The following SLC1A3 variants were observed in gnomAD, a reference collection of about 807,000 sequenced individuals.
The protein encoded by SLC1A3 is excitatory amino acid transporter 1.
SLC1A3 carries 21 observed loss-of-function variants against 48.1 expected under a neutral mutation model. The observed-to-expected ratio is 0.44, with a 90% CI of 0.31 to 0.63. The LOEUF is 0.63. Ranked by LOEUF, SLC1A3 falls within the 20% of genes least tolerant of loss-of-function variation. The pLI is 0.08. For missense variants in SLC1A3, 546 were observed against 689.0 expected (o/e 0.79, Z 2.32); for synonymous variants, 239 against 251.4 (o/e 0.95, Z 0.47).
intron 2 of SLC1A3, among the ~76,000 whole-genome samples, chr5:36,622,859 A>G (rs1219263721): frequency 6.6e-6 from 1 of 150,650 alleles, no homozygotes; most frequent in Non-Finnish European, 1.5e-5. Flanking sequence ...AAAAATACAA[A>G]AAATTAGCCG....
intron 2 of SLC1A3, among the ~76,000 whole-genome samples, chr5:36,623,768 G>C (rs577439615): frequency 6.6e-6 from 1 of 151,792 alleles, no homozygotes; most frequent in South Asian, 2.1e-4. Flanking sequence ...TGAGGCTGAG[G>C]CAGGAGAATC....
chr5:36,618,110 T>C (rs1437736777), intron 2 of SLC1A3, among the ~76,000 whole-genome samples: 1 of 152,216 alleles, frequency 6.6e-6, no homozygotes, highest in Non-Finnish European at 1.5e-5. Context: ...AATCAGTGCA[T>C]TGGAAAACTG....
Position 36,629,534 on chromosome 5 carries a change from T to G in SLC1A3, c.266T>G (p.Met89Arg). The G allele has an allele frequency of 6.2e-7, 1 of 1,612,938 alleles. No homozygotes were observed. Among genetic ancestry groups the G allele is most frequent in the Non-Finnish European group, 8.5e-7 (1 of 1,179,174 alleles). Residue 89 changes from methionine (M) to arginine (R), a missense_variant, in exon 3 of 10, where the codon ATG (methionine) becomes AGG (arginine). Met to Arg is a moderately conservative substitution (Grantham distance 91). This residue lies in a region of SLC1A3 where 348 missense variants were observed against 392.0 expected (regional missense o/e 0.89). Coordinates refer to ENST00000265113, the MANE Select transcript of SLC1A3 (RefSeq NM_004172.5). ...KYFSFPGELL[M>R]RMLQMLVLPL... Reference sequence around the variant, plus strand: ...TTCTCCTTTCCTGGGGAACTTCTGATGAGGATGTTACAGATGCTGGTCTTA... The same window carrying G: ...TTCTCCTTTCCTGGGGAACTTCTGAGGAGGATGTTACAGATGCTGGTCTTA...
At chr5:36,623,227 T>TAACA (rs1295010880) in intron 2 of SLC1A3, among the ~76,000 whole-genome samples, 1 of 152,154 alleles carries the variant, frequency 6.6e-6, no homozygotes, top group East Asian at 1.9e-4. Flanking sequence ...GTTAAAATAC[T>TAACA]AACACTGGAG....
At chr5:36,608,986 T>C in intron 2 of SLC1A3, 2 of 1,004,722 alleles carry the variant, frequency 2.0e-6, no homozygotes. Context: ...ATTTATACAA[T>C]TAGTACACCT....
intron 5 of SLC1A3, 143 bp from the exon 6 acceptor site, chr5:36,676,749 G>A: frequency 1.5e-6 from 1 of 658,512 alleles, no homozygotes; most frequent in South Asian, 2.0e-5. Flanking sequence ...AGATTAAAGA[G>A]AGAGAGAGAC....
intron 2 of SLC1A3, chr5:36,613,050 T>G: frequency 2.9e-6 from 1 of 342,576 alleles, no homozygotes; most frequent in African/African-American, 2.2e-5. Flanking sequence ...GATGCCACAT[T>G]TGAAGGTAGG....
chr5:36,680,734 T>C (rs1742409205), intron 8 of SLC1A3, 145 bp downstream of exon 8: 1 of 720,308 alleles, frequency 1.4e-6, no homozygotes, highest in Admixed American at 2.0e-5. Context: ...CCTGGCAACA[T>C]AGTGAAACCC....
intron 3 of SLC1A3, among the ~76,000 whole-genome samples, chr5:36,670,197 A>T (rs1339916790): frequency 6.6e-6 from 1 of 152,216 alleles, no homozygotes; most frequent in Non-Finnish European, 1.5e-5. Flanking sequence ...CTTAAAAGTC[A>T]TGCCTCCTTT....
intron 1 of SLC1A3, among the ~76,000 whole-genome samples, chr5:36,599,840 G>T (rs117426421): frequency 6.6e-6 from 1 of 151,438 alleles, no homozygotes; most frequent in East Asian, 1.9e-4. Context: ...TATTTGAGAC[G>T]GAGTTTCGCT....
chr5:36,617,684 C>T (rs1739500617), intron 2 of SLC1A3, among the ~76,000 whole-genome samples: 2 of 151,888 alleles, frequency 1.3e-5, no homozygotes, highest in Non-Finnish European at 2.9e-5. Context: ...TTTCACCTTG[C>T]TTTTTTCACT....
chr5:36,626,743 A>T (rs1276510992), intron 2 of SLC1A3, among the ~76,000 whole-genome samples: 1 of 152,228 alleles, frequency 6.6e-6, no homozygotes, highest in Non-Finnish European at 1.5e-5. Flanking sequence ...CTTTTATGTG[A>T]GCAAGCAGGA....
chr5:36,614,906 T>C (rs1739369595), intron 2 of SLC1A3, among the ~76,000 whole-genome samples: 1 of 152,352 alleles, frequency 6.6e-6, no homozygotes, highest in Admixed American at 6.5e-5. Context: ...CTCTGGATTC[T>C]ATTTTGCTCT....
chr5:36,639,961 C>A (rs137979348), intron 3 of SLC1A3, among the ~76,000 whole-genome samples: 2 of 152,054 alleles, frequency 1.3e-5, no homozygotes, highest in East Asian at 3.9e-4. Flanking sequence ...AGACTCTGTG[C>A]ACCATAAAGC....
intron 2 of SLC1A3, among the ~76,000 whole-genome samples, chr5:36,626,618 T>A (rs1259745672): frequency 6.6e-6 from 1 of 152,246 alleles, no homozygotes; most frequent in Non-Finnish European, 1.5e-5. Flanking sequence ...TAAATCCATT[T>A]AAATGAAGAT....
chr5:36,667,664 A>T (rs1458275975), intron 3 of SLC1A3: 1 of 152,320 alleles, frequency 6.6e-6, no homozygotes, highest in East Asian at 1.9e-4. Flanking sequence ...CCATCAATCA[A>T]AGATAGGACT....
chr5:36,618,108 C>T (rs1048510610), intron 2 of SLC1A3, among the ~76,000 whole-genome samples: 20 of 152,210 alleles, frequency 1.3e-4, no homozygotes, highest in African/African-American at 4.6e-4. Context: ...GAAATCAGTG[C>T]ATTGGAAAAC....
intron 9 of SLC1A3, 65 bp downstream of exon 9, chr5:36,684,063 C>A (rs987124711): frequency 6.3e-7 from 1 of 1,595,050 alleles, no homozygotes; most frequent in Non-Finnish European, 8.6e-7. Flanking sequence ...CTCTAGGGCA[C>A]CAGGCAGCCT....
intron 3 of SLC1A3, chr5:36,668,114 A>C (rs1158535583): frequency 6.6e-6 from 1 of 152,204 alleles, no homozygotes; most frequent in South Asian, 2.1e-4. Flanking sequence ...TCCTTCCCAA[A>C]CGTTTAGGGC....
Sources: gnomAD v4.1 joint callset for allele counts (sites outside exome capture counted in the v4.1 genomes callset) on GRCh38, gnomAD v4.1.1 for gene constraint, gnomAD v4.1.1 regional missense constraint, MANE v1.5 for transcripts, NCBI Gene and HGNC (gene_info 2026-07-23, HGNC 2026-07-21) for gene names.